Variants in IQGAP1 observed in about 807,000 individuals in gnomAD.
The protein encoded by IQGAP1 is ras GTPase-activating-like protein IQGAP1.
A neutral mutation model predicts 215.6 loss-of-function variants in IQGAP1; 66 were observed. The observed-to-expected ratio is 0.31, with a 90% CI of 0.25 to 0.38. The LOEUF is 0.38. Ranked by LOEUF, IQGAP1 falls within the 10% of genes least tolerant of loss-of-function variation. The pLI, the probability that IQGAP1 is intolerant of heterozygous loss-of-function variation, is 1.00. For synonymous variants in IQGAP1, 772 were observed against 728.7 expected, an observed-to-expected ratio of 1.06 and a Z score of -0.96; for missense variants, 1,712 against 1,997.1, an observed-to-expected ratio of 0.86 and a Z score of 2.72.
At chr15:90,462,469 A>G (rs984120360) in intron 15 of IQGAP1, among the ~76,000 whole-genome samples, 4 of 152,204 alleles carry the variant, frequency 2.6e-5, no homozygotes, top group African/African-American at 9.6e-5. Context: ...TGTAGTTGAT[A>G]AACGTGTTGT....
At chr15:90,483,312 C>G (rs189483206) in intron 28 of IQGAP1, 49 bp from the exon 29 acceptor site, 1 of 1,374,960 alleles carries the variant, frequency 7.3e-7, no homozygotes, top group African/African-American at 1.4e-5. Context: ...TTATAGCTTC[C>G]TTGGTGGTAT....
intron 9 of IQGAP1, among the ~76,000 whole-genome samples, chr15:90,444,243 C>CTGTGTGTGTG (rs34494521): frequency 0.035 from 4,472 of 126,810 alleles, 122 homozygotes; most frequent in East Asian, 0.097. Context: ...TCCTTCAAAA[C>CTGTGTGTGTG]TGTGTGTGTG....
intron 15 of IQGAP1, among the ~76,000 whole-genome samples, chr15:90,465,514 AGTTT>A (rs1393295137): frequency 4.6e-5 from 7 of 151,808 alleles, no homozygotes; most frequent in Non-Finnish European, 8.8e-5. Context: ...GACCTTTACC[AGTTT>A]GTTTGTTTTT....
At chr15:90,424,589 C>A (rs1156453500) in intron 2 of IQGAP1, among the ~76,000 whole-genome samples, 4 of 152,200 alleles carry the variant, frequency 2.6e-5, no homozygotes, top group African/African-American at 9.7e-5. Context: ...GTAATCCCAG[C>A]ACTTTGGAAG....
At position 90,421,331 on chromosome 15, in the gene IQGAP1, C is replaced by T. The variant is rs1041027916; in HGVS notation, c.156-4779C>T. Among the ~76,000 whole-genome samples, 15 of 152,164 alleles carry T rather than the reference C, an allele frequency of 9.9e-5. No individual in the cohort carries two copies. In the South Asian group the frequency reaches 2.5e-3, roughly 25 times the overall value. On this transcript the variant is annotated intron_variant, in intron 2 of 37. Transcript: ENST00000268182. ...TCTCTACTAAAAATATAAAAATTAG[C>T]CGGTTGTGGTGGCACAAGCCTGTAA...
At chr15:90,420,399 A>T (rs930539495) in intron 2 of IQGAP1, among the ~76,000 whole-genome samples, 13 of 152,152 alleles carry the variant, frequency 8.5e-5, no homozygotes, top group Admixed American at 3.9e-4. Flanking sequence ...TTGCTCCAGG[A>T]GGCAGCTTAG....
chr15:90,451,339 G>T (rs940983569), intron 11 of IQGAP1, among the ~76,000 whole-genome samples: 1 of 152,188 alleles, frequency 6.6e-6, no homozygotes, highest in Non-Finnish European at 1.5e-5. Flanking sequence ...TCAGCTTCTG[G>T]TGAGGGCTTT....
At chr15:90,481,626 T>A (rs1416253696) in intron 26 of IQGAP1, among the ~76,000 whole-genome samples, 1 of 152,240 alleles carries the variant, frequency 6.6e-6, no homozygotes, top group Non-Finnish European at 1.5e-5. Flanking sequence ...CCTGTGGCAC[T>A]TTTGGTGAAC....
chr15:90,401,655 G>A (rs745422467), intron 2 of IQGAP1, among the ~76,000 whole-genome samples: 1 of 152,178 alleles, frequency 6.6e-6, no homozygotes, highest in Non-Finnish European at 1.5e-5. Flanking sequence ...AGCCCTGTGA[G>A]GTGCTTATTA....
chr15:90,389,829 T>C (rs1327156465), intron 1 of IQGAP1, among the ~76,000 whole-genome samples: 8 of 149,796 alleles, frequency 5.3e-5, no homozygotes, highest in Admixed American at 5.3e-4. Flanking sequence ...TGGTGGCCCA[T>C]GCCTGTGGTC....
At chr15:90,419,364 A>G (rs1965100626) in intron 2 of IQGAP1, among the ~76,000 whole-genome samples, 1 of 152,168 alleles carries the variant, frequency 6.6e-6, no homozygotes, top group African/African-American at 2.4e-5. Context: ...ATTATTTTTT[A>G]AGTGTCATTT....
chr15:90,398,796 A>T (rs1256561562), intron 2 of IQGAP1, among the ~76,000 whole-genome samples: 1 of 152,152 alleles, frequency 6.6e-6, no homozygotes, highest in East Asian at 1.9e-4. Context: ...TGATGCCAGG[A>T]GTTCGAGACT....
At chr15:90,477,410 A>G (rs1965994969) in intron 25 of IQGAP1, among the ~76,000 whole-genome samples, 180 bp downstream of exon 25, 1 of 152,128 alleles carries the variant, frequency 6.6e-6, no homozygotes, top group South Asian at 2.1e-4. Flanking sequence ...TAGGGAAGGG[A>G]TAAATTAACT....
At chr15:90,489,695 C>T (rs1350745615) in intron 33 of IQGAP1, among the ~76,000 whole-genome samples, 2 of 152,180 alleles carry the variant, frequency 1.3e-5, no homozygotes, top group Non-Finnish European at 2.9e-5. Flanking sequence ...GAAGTCTCAG[C>T]TGTCAGTTGC....
At chr15:90,491,247 T>C in intron 33 of IQGAP1, 86 bp from the exon 34 acceptor site, 1 of 1,123,106 alleles carries the variant, frequency 8.9e-7, no homozygotes, top group East Asian at 2.4e-5. Flanking sequence ...AAGAACTGTA[T>C]AAGTTCAGGT....
At chr15:90,424,214 G>C (rs1965188579) in intron 2 of IQGAP1, among the ~76,000 whole-genome samples, 1 of 152,014 alleles carries the variant, frequency 6.6e-6, no homozygotes, top group African/African-American at 2.4e-5. Flanking sequence ...ATGTGTCCTT[G>C]AACTACACTA....
intron 18 of IQGAP1, among the ~76,000 whole-genome samples, chr15:90,468,068 G>GTTTT (rs1051353552): frequency 3.7e-5 from 5 of 136,112 alleles, no homozygotes; most frequent in African/African-American, 5.5e-5. Context: ...TTGTTTGTTT[G>GTTTT]TTTTTTGTTT....
intron 11 of IQGAP1, among the ~76,000 whole-genome samples, chr15:90,450,363 T>A (rs77508944): frequency 0.14 from 17,146 of 118,788 alleles, 1,895 homozygotes; most frequent in East Asian, 0.46. Flanking sequence ...TTTTTTTTTT[T>A]ACCATTTATT....
intron 2 of IQGAP1, among the ~76,000 whole-genome samples, chr15:90,401,158 G>T (rs867060024): frequency 1.3e-5 from 2 of 151,862 alleles, no homozygotes. Flanking sequence ...ATCAAATCAG[G>T]GCTCTGCTCC....
Sources: allele counts gnomAD v4.1 joint callset (sites outside exome capture counted in the v4.1 genomes callset), GRCh38; gene constraint gnomAD v4.1.1; transcripts MANE v1.5; gene names NCBI Gene and HGNC (gene_info 2026-07-23, HGNC 2026-07-21).